Variants in RIMBP2 observed in about 807,000 individuals in gnomAD.
RIMBP2 encodes the protein RIMS-binding protein 2.
A neutral mutation model predicts 118.6 loss-of-function variants in RIMBP2; 48 were observed. The observed-to-expected ratio is 0.40, with a 90% confidence interval of 0.32 to 0.51. The LOEUF is 0.51. Ranked by LOEUF, RIMBP2 falls within the 20% of genes least tolerant of loss-of-function variation. The probability of loss-of-function intolerance (pLI) is 0.41; values close to 1 mark genes in which losing one functional copy is unlikely to be tolerated. For synonymous variants in RIMBP2, 762 were observed against 742.9 expected (o/e 1.03, Z -0.42); for missense variants, 1,551 against 1,768.3 (o/e 0.88, Z 2.20).
chr12:130,553,383 C>T (rs947091769), intron 2 of RIMBP2, among the ~76,000 whole-genome samples: 17 of 152,246 alleles, frequency 1.1e-4, no homozygotes, highest in Middle Eastern at 3.4e-3. Flanking sequence ...TACAATAACT[C>T]TATAATGTGA....
At chr12:130,549,600 C>T (rs557065686) in intron 2 of RIMBP2, among the ~76,000 whole-genome samples, 2 of 152,196 alleles carry the variant, frequency 1.3e-5, no homozygotes, top group African/African-American at 4.8e-5. Flanking sequence ...CAAGTGAGAA[C>T]ATGCAGTATT....
chr12:130,665,063 C>G (rs1183116093), intron 1 of RIMBP2, among the ~76,000 whole-genome samples: 2 of 151,636 alleles, frequency 1.3e-5, no homozygotes, highest in Non-Finnish European at 2.9e-5. Flanking sequence ...CAAACCCTAC[C>G]ACAACTCCTG....
At chr12:130,582,669 C>G (rs2058557104) in intron 2 of RIMBP2, among the ~76,000 whole-genome samples, 1 of 152,188 alleles carries the variant, frequency 6.6e-6, no homozygotes. Context: ...CAGCATCACC[C>G]AGGGCCCTGA....
intron 4 of RIMBP2, among the ~76,000 whole-genome samples, chr12:130,503,012 G>A (rs2049949047): frequency 6.6e-6 from 1 of 152,134 alleles, no homozygotes; most frequent in African/African-American, 2.4e-5. Context: ...AGACTCCAGT[G>A]CTTTTCCATC....
chr12:130,406,691 G>A (rs2075205539), intron 20 of RIMBP2, among the ~76,000 whole-genome samples: 1 of 152,204 alleles, frequency 6.6e-6, no homozygotes. Flanking sequence ...GTGTTGCCCA[G>A]GCTGGAGTGC....
At chr12:130,605,123 C>T (rs2060109090) in intron 2 of RIMBP2, among the ~76,000 whole-genome samples, 1 of 152,048 alleles carries the variant, frequency 6.6e-6, no homozygotes, top group African/African-American at 2.4e-5. Context: ...ATTGCCAGCA[C>T]GCCTTTCTCA....
chr12:130,523,470 G>A lies in RIMBP2; in HGVS notation c.-216-5553C>T, dbSNP rs753575861. 6.6e-6 allele frequency among the ~76,000 whole-genome samples: 1 copy of A among 152,200 alleles called. No homozygotes were observed. Among genetic ancestry groups the A allele is most frequent in the Non-Finnish European group, 1.5e-5 (1 of 68,048 alleles). On this transcript the variant is annotated intron_variant, in intron 2 of 22. Coordinates refer to ENST00000690449, the MANE Select transcript of RIMBP2 (RefSeq NM_001393629.1). The surrounding 1 kb of genome is among the most constrained non-coding windows in gnomAD (Gnocchi z 4.4). ...CTAAAGCAACGAGACATGGACAGGA[G>A]CCTTCACAGTGTCTCCCGAGGCAGC...
At chr12:130,482,090 G>T (rs545881044) in intron 4 of RIMBP2, among the ~76,000 whole-genome samples, 2 of 152,238 alleles carry the variant, frequency 1.3e-5, no homozygotes, top group East Asian at 3.9e-4. Context: ...CTCCTGAGAC[G>T]CTTTGGGAAC....
At chr12:130,494,282 G>A (rs1047251448) in intron 4 of RIMBP2, among the ~76,000 whole-genome samples, 3 of 152,094 alleles carry the variant, frequency 2.0e-5, no homozygotes, top group Admixed American at 6.6e-5. Context: ...CGCCACCACG[G>A]TTCTCCCTGC....
intron 2 of RIMBP2, among the ~76,000 whole-genome samples, chr12:130,591,130 C>T (rs1326294212): frequency 1.3e-5 from 2 of 152,128 alleles, no homozygotes; most frequent in African/African-American, 4.8e-5. Context: ...GGGTATGGAA[C>T]CAGAAACTGA....
rs546865888 is a variant in RIMBP2, at chr12:130,397,187, G to C, written c.*174C>G. 2 of 368,418 alleles carry C rather than the reference G, an allele frequency of 5.4e-6. No homozygotes were observed. The highest frequency in any genetic ancestry group is 7.7e-5 in the East Asian group (2 of 25,894). The allele number at this position is 368,418 out of a possible 1,614,324, so 22.8% of individuals were successfully genotyped here. On this transcript the variant is annotated 3_prime_UTR_variant, in exon 23 of 23. Coordinates refer to ENST00000690449, the MANE Select transcript of RIMBP2 (RefSeq NM_001393629.1). The stretch of plus-strand genomic sequence containing the variant: ...CTGCCAGCGGTGACAGAGAGCAACC[G>C]CTCCTCTTTGTTCTCGTGGTTGGTT...
chr12:130,443,669 T>C (rs1366766819), intron 10 of RIMBP2, among the ~76,000 whole-genome samples: 2 of 152,174 alleles, frequency 1.3e-5, no homozygotes, highest in African/African-American at 2.4e-5. Context: ...AACCTCCACC[T>C]AGGGTGTGGG....
Position 130,432,238 on chromosome 12 carries a change from C to T in RIMBP2, c.2253+2496G>A, listed in dbSNP as rs139297915. 15 of 456,576 alleles carry T rather than the reference C, an allele frequency of 3.3e-5. 1 individual carries two copies. The highest frequency in any genetic ancestry group is 6.5e-4 in the Middle Eastern group (2 of 3,074). The allele number at this position is 456,576 out of a possible 1,614,324, so 28.3% of individuals were successfully genotyped here. ...GTGGAAACAGGTCTTCTTCAGGCCT[C>T]GGTTCAATCTAATTCCAGCTCTGTT... On this transcript the variant is annotated intron_variant, in intron 14 of 22. Transcript: ENST00000690449.
At chr12:130,668,974 C>T (rs1268612189) in intron 1 of RIMBP2, 1 of 152,262 alleles carries the variant, frequency 6.6e-6, no homozygotes, top group African/African-American at 2.4e-5. Flanking sequence ...GGCTCAGAGC[C>T]ATGTATGAAC....
intron 1 of RIMBP2, among the ~76,000 whole-genome samples, chr12:130,645,767 A>C (rs2062843171): frequency 6.6e-6 from 1 of 152,208 alleles, no homozygotes; most frequent in South Asian, 2.1e-4. Context: ...CTTTCAGGTT[A>C]TTTAAACTTA....
At position 130,434,765 on chromosome 12, in the gene RIMBP2, T is replaced by C. The variant is rs763747117; in HGVS notation, c.2222A>G (p.Asp741Gly). 1 of 1,613,472 alleles carries C rather than the reference T, an allele frequency of 6.2e-7. No homozygotes were observed. Among genetic ancestry groups the C allele is most frequent in the Admixed American group, 1.7e-5 (1 of 59,992 alleles). Reference sequence around the variant, plus strand: ...GCCAAGTTCAGAGCCTTTCAGGAAGTCGTCCACCGAGGCGCCCCTCCTCTT... The same window carrying C: ...GCCAAGTTCAGAGCCTTTCAGGAAGCCGTCCACCGAGGCGCCCCTCCTCTT... ...DFKRRGASVDDFLKGSELGKQ... is the reference protein window; with the variant it reads ...DFKRRGASVDGFLKGSELGKQ... Residue 741 changes from aspartate to glycine, a missense_variant, in exon 14 of 23, where the codon GAC becomes GGC. Around this residue, in one of 5 missense-constraint regions of RIMBP2, gnomAD observed 1,038 missense variants for 1,125.1 expected, o/e 0.92. Transcript: ENST00000690449. The surrounding 1 kb of genome is among the most constrained non-coding windows in gnomAD (Gnocchi z 5.7).
intron 18 of RIMBP2, among the ~76,000 whole-genome samples, 173 bp from the exon 19 acceptor site, chr12:130,412,960 A>G (rs1480060557): frequency 6.6e-6 from 1 of 152,046 alleles, no homozygotes; most frequent in Non-Finnish European, 1.5e-5. Flanking sequence ...TGTACATGTA[A>G]CCCTCGCTCT....
At chr12:130,513,493 G>A (rs2051130018) in intron 3 of RIMBP2, among the ~76,000 whole-genome samples, 1 of 143,104 alleles carries the variant, frequency 7.0e-6, no homozygotes, top group South Asian at 2.4e-4. Context: ...CCTGCTACAG[G>A]AACAGTGGCC....
intron 2 of RIMBP2, among the ~76,000 whole-genome samples, chr12:130,565,771 A>G (rs925656798): frequency 1.3e-5 from 2 of 152,206 alleles, no homozygotes; most frequent in African/African-American, 4.8e-5. Flanking sequence ...CAGCAGCACA[A>G]AGGGTGATAT....
Sources: allele counts gnomAD v4.1 joint callset (sites outside exome capture counted in the v4.1 genomes callset), GRCh38; gene constraint gnomAD v4.1.1; regional missense constraint gnomAD v4.1.1; non-coding constraint Gnocchi (gnomAD v3.1); transcripts MANE v1.5; gene names NCBI Gene and HGNC (gene_info 2026-07-23, HGNC 2026-07-21).